SMYD3: variants seen among roughly 807,000 people sequenced by gnomAD.
SMYD3 encodes histone-lysine N-methyltransferase SMYD3.
In SMYD3, 36 loss-of-function variants were observed where a neutral mutation model predicts 57.7. The observed-to-expected ratio is 0.62, with a 90% confidence interval of 0.48 to 0.82. SMYD3 has a LOEUF of 0.82. Among genes scored for constraint, SMYD3 ranks in the 40% least tolerant of loss-of-function variants. SMYD3 has a pLI of 0.00. For missense variants in SMYD3, 515 were observed against 538.8 expected, an observed-to-expected ratio of 0.96 and a Z score of 0.44; for synonymous variants, 211 against 195.0, an observed-to-expected ratio of 1.08 and a Z score of -0.68.
intron 5 of SMYD3, among the ~76,000 whole-genome samples, chr1:246,269,727 T>C (rs1446785904): frequency 6.6e-6 from 1 of 151,982 alleles, no homozygotes; most frequent in Admixed American, 6.6e-5. Context: ...CCATCTTGCC[T>C]GGCTCATTTT....
intron 1 of SMYD3, among the ~76,000 whole-genome samples, chr1:246,368,763 T>A (rs1442666727): frequency 3.9e-5 from 6 of 152,082 alleles, no homozygotes; most frequent in Non-Finnish European, 8.8e-5. Context: ...AGGCAGGAGA[T>A]CGTGAAAAGG....
chr1:246,378,759 A>AT (rs1170037036), intron 1 of SMYD3, among the ~76,000 whole-genome samples: 1 of 105,364 alleles, frequency 9.5e-6, no homozygotes, highest in Non-Finnish European at 1.8e-5. Context: ...TAATATATTT[A>AT]ATATATTATA....
chr1:246,452,744 T>C (rs777073201), intron 1 of SMYD3, among the ~76,000 whole-genome samples: 3 of 152,202 alleles, frequency 2.0e-5, no homozygotes, highest in Non-Finnish European at 4.4e-5. Context: ...ATGAAATTTT[T>C]AAACCGTTCC....
At chr1:245,940,815 G>A (rs140866008) in intron 5 of SMYD3, among the ~76,000 whole-genome samples, 24 of 152,338 alleles carry the variant, frequency 1.6e-4, no homozygotes, top group Admixed American at 1.5e-3. Flanking sequence ...CAGAGTCTGA[G>A]CTGGATGAAA....
chr1:245,800,132 T>C (rs528173940), intron 10 of SMYD3, among the ~76,000 whole-genome samples: 3 of 152,256 alleles, frequency 2.0e-5, no homozygotes, highest in Admixed American at 6.5e-5. Context: ...ACCCTAGCTG[T>C]TGTGCAGGTT....
At chr1:245,757,347 T>C (rs1225335522) in intron 11 of SMYD3, among the ~76,000 whole-genome samples, 1 of 152,012 alleles carries the variant, frequency 6.6e-6, no homozygotes, top group Non-Finnish European at 1.5e-5. Flanking sequence ...TAATATTCCC[T>C]TGTATGTATA....
At chr1:246,379,762 G>A (rs1257510360) in intron 1 of SMYD3, among the ~76,000 whole-genome samples, 12 of 152,190 alleles carry the variant, frequency 7.9e-5, no homozygotes, top group Non-Finnish European at 1.3e-4. Flanking sequence ...CACTTTGGGA[G>A]GCCAAGGCGG....
At chr1:246,316,996 A>AAAAT (rs2065172118) in intron 5 of SMYD3, among the ~76,000 whole-genome samples, 1 of 151,480 alleles carries the variant, frequency 6.6e-6, no homozygotes. Context: ...TCCTACTCAA[A>AAAAT]AAATAAATAA....
At chr1:246,455,171 A>G (rs2067684804) in intron 1 of SMYD3, among the ~76,000 whole-genome samples, 1 of 152,192 alleles carries the variant, frequency 6.6e-6, no homozygotes, top group African/African-American at 2.4e-5. Flanking sequence ...AGCTCATGTT[A>G]TAGAGAATTT....
chr1:245,955,631 T>G (rs184482842), intron 5 of SMYD3, among the ~76,000 whole-genome samples: 37 of 152,308 alleles, frequency 2.4e-4, no homozygotes, highest in African/African-American at 7.7e-4. Flanking sequence ...ATTTTAGTAT[T>G]ATTGTTGTTA....
chr1:245,813,897 T>G (rs1467272159), intron 10 of SMYD3, among the ~76,000 whole-genome samples: 3 of 81,258 alleles, frequency 3.7e-5, no homozygotes, highest in Non-Finnish European at 8.0e-5. Flanking sequence ...TATATATATA[T>G]ATATATACAG....
In SMYD3 at chr1:246,234,136, T is replaced by A. The variant is rs1455371859; in HGVS notation, c.531+93065A>T. Among the ~76,000 whole-genome samples the A allele has an allele frequency of 1.7e-4, 21 of 124,760 alleles. No homozygotes were observed. The South Asian group carries it at 3.8e-3, about 23-fold the overall frequency. The allele number at this position is 124,760 out of a possible 152,430, so 81.8% of individuals were successfully genotyped here. A position where few individuals can be genotyped will look rare whatever the true frequency, so the allele number is the denominator to read the frequency against. The stretch of plus-strand genomic sequence containing the variant: ...GGAGAAGCACTCCTTCAATCCACAC[T>A]GTGATGAATATATACCACACAGAGG... On this transcript the variant is annotated intron_variant, in intron 5 of 11. Transcript: ENST00000490107.
chr1:246,376,799 G>A (rs778593170), intron 1 of SMYD3, among the ~76,000 whole-genome samples: 10 of 151,680 alleles, frequency 6.6e-5, no homozygotes, highest in Non-Finnish European at 1.5e-4. Context: ...AAATTAAGAC[G>A]TTAAAAAAAT....
chr1:246,240,239 C>A (rs914537907), intron 5 of SMYD3, among the ~76,000 whole-genome samples: 1 of 152,180 alleles, frequency 6.6e-6, no homozygotes, highest in South Asian at 2.1e-4. Context: ...ACATTTAAGT[C>A]TTTAATCCAT....
Position 246,132,644 on chromosome 1 carries a change from A to G in SMYD3, c.531+194557T>C, listed in dbSNP as rs535487584. ...AAAAGTAGAAAAAGTGGGCTACATC[A>G]AAATTAAAACTGCTATGTATCAAAG... On this transcript the variant is annotated intron_variant, in intron 5 of 11. Transcript: ENST00000490107. 7.9e-5 allele frequency among the ~76,000 whole-genome samples: 12 copies of G among 152,270 alleles called. No individual in the cohort carries two copies. The South Asian group carries it at 2.3e-3, about 29-fold the overall frequency.
chr1:245,749,455 A>G lies in SMYD3; in HGVS notation c.*108T>C, dbSNP rs2045238642. ...TTATTTACCTACACAAACACGGAAC[A>G]GAATTTCCAATAGGAGAGGTTCACA... On this transcript the variant is annotated 3_prime_UTR_variant, in exon 12 of 12. Transcript: ENST00000490107. The G allele has an allele frequency of 1.2e-6, 1 of 804,982 alleles. No homozygotes were observed. The highest frequency in any genetic ancestry group is 1.7e-5 in the African/African-American group (1 of 59,006). The allele number at this position is 804,982 out of a possible 1,614,324, so 49.9% of individuals were successfully genotyped here. A position where few individuals can be genotyped will look rare whatever the true frequency, so the allele number is the denominator to read the frequency against.
chr1:245,843,542 G>A (rs201114534), intron 10 of SMYD3, among the ~76,000 whole-genome samples: 91 of 474 alleles, frequency 0.19, no homozygotes, highest in African/African-American at 0.27. Context: ...ATATATATAT[G>A]TGTGTGTGTG....
chr1:246,293,489 C>A (rs973983040), intron 5 of SMYD3, among the ~76,000 whole-genome samples: 8 of 152,272 alleles, frequency 5.3e-5, no homozygotes, highest in Non-Finnish European at 8.8e-5. Flanking sequence ...AGTAGTATAA[C>A]ACGCACATTA....
rs79263692 is a variant in SMYD3 at position 246,379,597 on chromosome 1, A to G, written c.165-24503T>C. Among the ~76,000 whole-genome samples, 1,427 of 152,338 alleles carry G rather than the reference A, an allele frequency of 9.4e-3. 25 individuals are homozygous for G. The highest frequency in any genetic ancestry group is 0.032 in the African/African-American group (1,324 of 41,576). On this transcript the variant is annotated intron_variant, in intron 1 of 11. Transcript: ENST00000490107. ...TGAAGTTATTCGCAGAAGTAACCAT[A>G]GGTATAGCTAAACAGTAACTACTTC...
Sources: allele counts gnomAD v4.1 joint callset (sites outside exome capture counted in the v4.1 genomes callset), GRCh38; gene constraint gnomAD v4.1.1; transcripts MANE v1.5; gene names NCBI Gene and HGNC (gene_info 2026-07-23, HGNC 2026-07-21).